UROS: variants seen among roughly 807,000 people sequenced by gnomAD.
UROS encodes the protein uroporphyrinogen III synthase, also known as uroporphyrinogen-III synthase.
A neutral mutation model predicts 33.0 loss-of-function variants in UROS; 18 were observed. The observed-to-expected ratio is 0.55, with a 90% CI of 0.38 to 0.81. The LOEUF is 0.81. Among genes scored for constraint, UROS ranks in the 30% least tolerant of loss-of-function variants. The probability of loss-of-function intolerance (pLI) is 0.00; values close to 1 mark genes in which losing one functional copy is unlikely to be tolerated. For missense variants in UROS, 293 were observed against 314.9 expected (o/e 0.93, Z 0.53); for synonymous variants, 114 against 121.1 (o/e 0.94, Z 0.38).
chr10:125,816,224 G>A lies in UROS; in HGVS notation c.100C>T (p.Pro34Ser), dbSNP rs1177133987. Residue 34 changes from proline (P) to serine (S), a missense_variant, in exon 3 of 10, where the codon CCT becomes TCT. Physicochemically the swap from Pro to Ser is moderately conservative, Grantham distance 74. Transcript: ENST00000368797. ...GLYGLEATLI[P>S]VLSFEFLSLP... ...GACAAAAACTCAAACGATAAAACAGGGATCAAAGTGGCTTCAAGTCCATAT... is the reference window on the plus strand; with the variant it reads ...GACAAAAACTCAAACGATAAAACAGAGATCAAAGTGGCTTCAAGTCCATAT... 1.6e-5 allele frequency: 26 copies of A among 1,614,110 alleles called. No homozygotes were observed. Among genetic ancestry groups the A allele is most frequent in the Non-Finnish European group, 2.1e-5 (25 of 1,180,024 alleles).
chr10:125,796,020 A>G (rs927730859), intron 8 of UROS, 83 bp downstream of exon 8: 7 of 1,228,712 alleles, frequency 5.7e-6, no homozygotes, highest in Non-Finnish European at 8.4e-6. Context: ...TATAGAACCA[A>G]CATCTATCAG....
At chr10:125,795,480 T>C (rs1247664925) in intron 8 of UROS, among the ~76,000 whole-genome samples, 1 of 152,218 alleles carries the variant, frequency 6.6e-6, no homozygotes, top group East Asian at 1.9e-4. Context: ...GGAGGTGTTT[T>C]ACTGCATATA....
chr10:125,799,569 T>C (rs1449056272), intron 6 of UROS, among the ~76,000 whole-genome samples: 1 of 152,066 alleles, frequency 6.6e-6, no homozygotes, highest in Non-Finnish European at 1.5e-5. Flanking sequence ...CTTGTGAGGG[T>C]CCAGTGGAGT....
At chr10:125,796,678 C>G in intron 7 of UROS, 5 of 694,422 alleles carry the variant, frequency 7.2e-6, no homozygotes, top group Non-Finnish European at 8.9e-6. Context: ...TGTACAAGAA[C>G]TGATTAAGCC....
At chr10:125,812,068 A>G (rs754892841) in intron 5 of UROS, 146 bp downstream of exon 5, 116 of 705,516 alleles carry the variant, frequency 1.6e-4, no homozygotes, top group Middle Eastern at 3.7e-4. Context: ...GTTTCACTGC[A>G]TTCTTATCAG....
At chr10:125,791,029 T>A (rs1320082568) in intron 9 of UROS, among the ~76,000 whole-genome samples, 1 of 151,310 alleles carries the variant, frequency 6.6e-6, no homozygotes, top group African/African-American at 2.4e-5. Flanking sequence ...GAGGCGGAGG[T>A]TGCAGTGAGC....
At chr10:125,807,133 A>AAAC (rs1852402481) in intron 6 of UROS, 2 of 446,118 alleles carry the variant, frequency 4.5e-6, no homozygotes, top group Admixed American at 7.0e-5. Flanking sequence ...GGAATCCCTC[A>AAAC]AGTGATCTCT....
rs550719780 is a variant in UROS at position 125,819,225 on chromosome 10, G to A, written c.-26-2700C>T. On this transcript the variant is annotated intron_variant, in intron 1 of 9. Coordinates refer to ENST00000368797, the MANE Select transcript of UROS (RefSeq NM_000375.3). Reference sequence around the variant, plus strand: ...TCTCCATCTCTTAACCTCGTGATCCGGCTGCCTTGGCTTCCCAAAGTGTTG... The same window carrying A: ...TCTCCATCTCTTAACCTCGTGATCCAGCTGCCTTGGCTTCCCAAAGTGTTG... Among the ~76,000 whole-genome samples the A allele has an allele frequency of 4.1e-4, 62 of 152,232 alleles. No individual in the cohort carries two copies. The Middle Eastern group carries it at 0.02, about 50-fold the overall frequency.
chr10:125,796,706 C>T lies in UROS; in HGVS notation c.476-518G>A, dbSNP rs532797106. 9 of 858,994 alleles carry T rather than the reference C, an allele frequency of 1.0e-5. No homozygotes were observed. The South Asian group carries it at 3.2e-4, about 31-fold the overall frequency. The allele number at this position is 858,994 out of a possible 1,614,324, so 53.2% of individuals were successfully genotyped here. The stretch of plus-strand genomic sequence containing the variant: ...ATTAAGCCGTGGACTTTCCCACATT[C>T]CTCCCTGTGCCATTCAGCGACTCTG... On this transcript the variant is annotated intron_variant, in intron 7 of 9. Transcript: ENST00000368797.
In UROS at chr10:125,823,212, A is replaced by C; in HGVS notation, c.-210T>G. 9.6e-6 allele frequency: 2 copies of C among 208,976 alleles called. No individual in the cohort carries two copies. The highest frequency in any genetic ancestry group is 1.9e-5 in the Non-Finnish European group (2 of 103,908). The allele number at this position is 208,976 out of a possible 1,614,324, so 12.9% of individuals were successfully genotyped here. On this transcript the variant is annotated 5_prime_UTR_variant, in exon 1 of 10. Coordinates refer to ENST00000368797, the MANE Select transcript of UROS (RefSeq NM_000375.3). ...CGGGCCCCAGGACCCCGCACCTCAG[A>C]CTGGGGTCGCGTGGGTGGCTGCGCG...
At chr10:125,787,755 G>A (rs1422869517), downstream of UROS, among the ~76,000 whole-genome samples, 8 of 152,076 alleles carry the variant, frequency 5.3e-5, no homozygotes, top group Admixed American at 6.5e-5. Context: ...CCATAATCCC[G>A]TTTTAGAACA....
At position 125,816,530 on chromosome 10, in the gene UROS, G is replaced by A. The variant is rs377655698; in HGVS notation, c.-26-5C>T. 15 of 1,613,718 alleles carry A rather than the reference G, an allele frequency of 9.3e-6. No individual in the cohort carries two copies. The highest frequency in any genetic ancestry group is 6.7e-5 in the African/African-American group (5 of 74,888). On this transcript the variant is annotated splice_region_variant and splice_polypyrimidine_tract_variant and intron_variant, in intron 1 of 9. Coordinates refer to ENST00000368797, the MANE Select transcript of UROS (RefSeq NM_000375.3). ...CCTGGCAGTCCTTATAGGGCACTGC[G>A]ACAGAGCAAGGAAACAGATCTTAAT...
intron 6 of UROS, chr10:125,802,108 A>G (rs1469140128): frequency 2.0e-6 from 2 of 985,356 alleles, no homozygotes; most frequent in African/African-American, 3.5e-5. Context: ...AAGGGCTTTG[A>G]TACCATTTAT....
At chr10:125,807,911 G>C (rs563832227) in intron 5 of UROS, among the ~76,000 whole-genome samples, 1 of 152,340 alleles carries the variant, frequency 6.6e-6, no homozygotes, top group African/African-American at 2.4e-5. Flanking sequence ...CGGCATTACA[G>C]AGCCTTCATT....
intron 5 of UROS, among the ~76,000 whole-genome samples, chr10:125,809,688 G>A (rs1852627806): frequency 6.6e-6 from 1 of 152,070 alleles, no homozygotes; most frequent in Non-Finnish European, 1.5e-5. Flanking sequence ...GTTAAGTGAG[G>A]ACTTTCTGTA....
At chr10:125,822,547 T>A (rs1428655256) in intron 1 of UROS, among the ~76,000 whole-genome samples, 3 of 152,150 alleles carry the variant, frequency 2.0e-5, no homozygotes, top group Non-Finnish European at 4.4e-5. Context: ...GGTCTCGAAC[T>A]CCTGACCTCA....
intron 2 of UROS, 70 bp downstream of exon 2, chr10:125,816,356 GCAAAACCCATC>G: frequency 6.2e-7 from 1 of 1,605,586 alleles, no homozygotes; most frequent in Non-Finnish European, 8.5e-7. Context: ...CTGAGGTTTT[GCAAAACCCATC>G]CCTGCCTGCT....
intron 5 of UROS, among the ~76,000 whole-genome samples, chr10:125,810,076 G>A (rs117163971): frequency 0.019 from 2,833 of 152,208 alleles, 35 homozygotes; most frequent in Middle Eastern, 0.034. Context: ...TTCCTAACCT[G>A]ATTCCCAGGC....
intron 6 of UROS, among the ~76,000 whole-genome samples, chr10:125,801,299 A>T (rs1266923578): frequency 6.6e-6 from 1 of 152,194 alleles, no homozygotes; most frequent in Non-Finnish European, 1.5e-5. Flanking sequence ...CAAAAGTTAT[A>T]CTGTATTCTA....
Sources: allele counts gnomAD v4.1 joint callset (sites outside exome capture counted in the v4.1 genomes callset), GRCh38; gene constraint gnomAD v4.1.1; transcripts MANE v1.5; gene names NCBI Gene and HGNC (gene_info 2026-07-23, HGNC 2026-07-21).